The following BSPH1 variants were observed in gnomAD, a reference collection of about 807,000 sequenced individuals.
The protein encoded by BSPH1 is binder of sperm 1.
BSPH1 carries 21 observed loss-of-function variants against 22.5 expected under a neutral mutation model. That is an observed-to-expected ratio of 0.93 (90% CI 0.66 to 1.35). The LOEUF is 1.35. Ranked by LOEUF, BSPH1 falls within the 40% of genes most tolerant of loss-of-function variation. BSPH1 has a pLI of 0.00. For missense variants in BSPH1, 141 were observed against 154.2 expected, an observed-to-expected ratio of 0.91 and a Z score of 0.45; for synonymous variants, 42 against 53.6, an observed-to-expected ratio of 0.78 and a Z score of 0.95.
intron 2 of BSPH1, 79 bp from the exon 3 acceptor site, chr19:47,979,678 A>T: frequency 1.6e-6 from 1 of 627,490 alleles, no homozygotes; most frequent in South Asian, 2.5e-5. Flanking sequence ...AAATAAAATT[A>T]AATAAAAATG....
intron 1 of BSPH1, among the ~76,000 whole-genome samples, chr19:47,988,790 C>G (rs1969495297): frequency 6.6e-6 from 1 of 152,108 alleles, no homozygotes; most frequent in Admixed American, 6.6e-5. Flanking sequence ...GGACCCCACT[C>G]CCATGTAATC....
chr19:47,975,935 G>A (rs998175157), intron 5 of BSPH1, among the ~76,000 whole-genome samples: 2 of 152,074 alleles, frequency 1.3e-5, no homozygotes, highest in African/African-American at 2.4e-5. Flanking sequence ...GATTACAGGC[G>A]TGAGCCACCG....
At chr19:47,974,777 A>C (rs1969345967) in intron 5 of BSPH1, among the ~76,000 whole-genome samples, 1 of 99,584 alleles carries the variant, frequency 1.0e-5, no homozygotes, top group Admixed American at 9.0e-5. Flanking sequence ...AGTTTCCTCT[A>C]ACTACCCAAT....
intron 1 of BSPH1, among the ~76,000 whole-genome samples, chr19:47,982,511 T>G (rs1485501808): frequency 6.6e-6 from 1 of 152,226 alleles, no homozygotes; most frequent in Non-Finnish European, 1.5e-5. Flanking sequence ...TAAGAAATAG[T>G]CATAATGGAC....
chr19:47,991,155 G>C lies in BSPH1; in HGVS notation c.73+854C>G, dbSNP rs559597620. Among the ~76,000 whole-genome samples, 3 of 152,220 alleles carry C rather than the reference G, an allele frequency of 2.0e-5. No homozygotes were observed. The East Asian group carries it at 5.8e-4, about 29-fold the overall frequency. ...TGTGCAGGACTCCGTCCCAGCCAGG[G>C]TCACCTGTCTCCTCACCTTCTTCCA... On this transcript the variant is annotated intron_variant, in intron 1 of 5. Transcript: ENST00000344839.
intron 5 of BSPH1, among the ~76,000 whole-genome samples, chr19:47,968,814 C>T (rs1969282417): frequency 6.6e-6 from 1 of 150,984 alleles, no homozygotes; most frequent in Non-Finnish European, 1.5e-5. Context: ...ACCTGGGCAA[C>T]ACTGTGAAAC....
intron 1 of BSPH1, among the ~76,000 whole-genome samples, chr19:47,988,664 C>CGGTT (rs1024208686): frequency 3.9e-5 from 6 of 152,070 alleles, no homozygotes; most frequent in African/African-American, 1.2e-4. Flanking sequence ...ATCAAACGAT[C>CGGTT]GGTTGGTGGG....
chr19:47,991,281 C>T (rs1966872556), intron 1 of BSPH1, among the ~76,000 whole-genome samples: 1 of 152,108 alleles, frequency 6.6e-6, no homozygotes, highest in East Asian at 1.9e-4. Flanking sequence ...TCCTGTCAGA[C>T]ACTCGTGGTC....
intron 1 of BSPH1, among the ~76,000 whole-genome samples, chr19:47,983,292 T>C (rs945474539): frequency 6.6e-5 from 10 of 152,194 alleles, no homozygotes; most frequent in Non-Finnish European, 1.5e-4. Context: ...AATGGACTCA[T>C]CAGGAGTTAA....
At chr19:47,969,724 A>AGAGAGAGAGG (rs1568394481) in intron 5 of BSPH1, among the ~76,000 whole-genome samples, 3 of 129,478 alleles carry the variant, frequency 2.3e-5, no homozygotes, top group Non-Finnish European at 5.2e-5. Context: ...AGAGAGAGAG[A>AGAGAGAGAGG]GACTTTAGAA....
intron 4 of BSPH1, 79 bp downstream of exon 4, chr19:47,977,294 C>A (rs1332337235): frequency 6.6e-6 from 7 of 1,062,064 alleles, no homozygotes; most frequent in Non-Finnish European, 9.5e-6. Context: ...ATTTTCAGAA[C>A]CCTCTTGTGT....
chr19:47,987,796 T>C (rs987304774), intron 1 of BSPH1, among the ~76,000 whole-genome samples: 7 of 152,096 alleles, frequency 4.6e-5, no homozygotes, highest in Non-Finnish European at 8.8e-5. Context: ...GTTTGAGACC[T>C]GCCTGGGCAA....
chr19:47,975,914 C>T (rs1969358605), intron 5 of BSPH1, among the ~76,000 whole-genome samples: 1 of 152,200 alleles, frequency 6.6e-6, no homozygotes, highest in African/African-American at 2.4e-5. Flanking sequence ...CTCGACCTCC[C>T]AAAGTGCTGG....
intron 2 of BSPH1, 61 bp from the exon 3 acceptor site, chr19:47,979,660 C>A: frequency 3.0e-6 from 2 of 671,274 alleles, no homozygotes; most frequent in South Asian, 2.4e-5. Flanking sequence ...AAAATGGGCT[C>A]TTACGTAAAA....
At chr19:47,976,629 C>A (rs933831270) in intron 5 of BSPH1, 81 bp downstream of exon 5, 47 of 820,550 alleles carry the variant, frequency 5.7e-5, no homozygotes, top group East Asian at 7.3e-5. Flanking sequence ...AGAAAGGGTT[C>A]TCCTCTGCCA....
downstream of BSPH1, among the ~76,000 whole-genome samples, chr19:47,967,471 G>C (rs948997608): frequency 6.6e-6 from 1 of 152,146 alleles, no homozygotes; most frequent in Non-Finnish European, 1.5e-5. Context: ...CTGTTCTGGA[G>C]GGTAGAAGTA....
intron 5 of BSPH1, among the ~76,000 whole-genome samples, chr19:47,974,271 T>TCTCTCTCTC (rs1568395729): frequency 1.1e-5 from 1 of 93,912 alleles, no homozygotes; most frequent in African/African-American, 7.9e-5. Flanking sequence ...CTCTCTCTCT[T>TCTCTCTCTC]TTTTTTTTTT....
At chr19:47,981,041 GA>G (rs1969415369) in intron 1 of BSPH1, 100 bp from the exon 2 acceptor site, 1 of 633,844 alleles carries the variant, frequency 1.6e-6, no homozygotes, top group Non-Finnish European at 2.6e-6. Context: ...ATACTATTTT[GA>G]AAGTTAGACA....
chr19:47,984,880 G>A (rs1199941889), intron 1 of BSPH1, among the ~76,000 whole-genome samples: 1 of 151,894 alleles, frequency 6.6e-6, no homozygotes, highest in Non-Finnish European at 1.5e-5. Flanking sequence ...TTCAAGACCA[G>A]CCTGGCCAAC....
Sources: allele counts gnomAD v4.1 joint callset (sites outside exome capture counted in the v4.1 genomes callset), GRCh38; gene constraint gnomAD v4.1.1; transcripts MANE v1.5; gene names NCBI Gene and HGNC (gene_info 2026-07-23, HGNC 2026-07-21).